Variants in SDHC observed in about 807,000 individuals in gnomAD.
The protein encoded by SDHC is succinate dehydrogenase cytochrome b560 subunit, mitochondrial.
In SDHC, 11 loss-of-function variants were observed where a neutral mutation model predicts 22.6. The observed-to-expected ratio is 0.49, with a 90% confidence interval of 0.31 to 0.81. The LOEUF (loss-of-function observed/expected upper bound fraction) is 0.81, where lower values mean the gene tolerates loss of function less well. Among genes scored for constraint, SDHC ranks in the 30% least tolerant of loss-of-function variants. The pLI is 0.05. For synonymous variants in SDHC, 80 were observed against 77.8 expected, an observed-to-expected ratio of 1.03 and a Z score of -0.15; for missense variants, 160 against 212.0, an observed-to-expected ratio of 0.75 and a Z score of 1.52.
At chr1:161,338,207 TTC>T (rs927104888) in intron 3 of SDHC, among the ~76,000 whole-genome samples, 117 of 152,224 alleles carry the variant, frequency 7.7e-4, no homozygotes, top group African/African-American at 2.8e-3. Context: ...TATGTGGCTC[TTC>T]TTCCACCTTT....
intron 4 of SDHC, among the ~76,000 whole-genome samples, chr1:161,351,453 A>G (rs1222942274): frequency 1.3e-5 from 2 of 152,344 alleles, no homozygotes; most frequent in South Asian, 2.1e-4. Context: ...ATTAAATACT[A>G]TATTTGAAAT....
chr1:161,339,973 C>T (rs939148383), intron 3 of SDHC, among the ~76,000 whole-genome samples: 1 of 152,086 alleles, frequency 6.6e-6, no homozygotes, highest in African/African-American at 2.4e-5. Context: ...AGGCACCGCG[C>T]CTGGCCCAGG....
chr1:161,339,393 C>T (rs1231833596), intron 3 of SDHC, among the ~76,000 whole-genome samples: 1 of 150,824 alleles, frequency 6.6e-6, no homozygotes, highest in East Asian at 2.0e-4. Context: ...ATTACGTTGC[C>T]TAGGTTGACC....
At chr1:161,344,536 TGTCC>T (rs1270526257) in intron 4 of SDHC, among the ~76,000 whole-genome samples, 1 of 152,194 alleles carries the variant, frequency 6.6e-6, no homozygotes, top group East Asian at 1.9e-4. Context: ...CATCAGCATA[TGTCC>T]TGTTTTTCCT....
At chr1:161,318,696 AT>A (rs982935450) in intron 1 of SDHC, among the ~76,000 whole-genome samples, 2 of 151,914 alleles carry the variant, frequency 1.3e-5, no homozygotes, top group Admixed American at 6.6e-5. Context: ...TGTTATTTTT[AT>A]TTTTTTTAAC....
chr1:161,339,077 TG>T (rs1334600268), intron 3 of SDHC, among the ~76,000 whole-genome samples: 1 of 152,186 alleles, frequency 6.6e-6, no homozygotes, highest in Admixed American at 6.5e-5. Context: ...CTCGAACACC[TG>T]ACCTCATGAT....
chr1:161,350,608 G>A (rs1459608009), intron 4 of SDHC, among the ~76,000 whole-genome samples: 1 of 152,046 alleles, frequency 6.6e-6, no homozygotes, highest in African/African-American at 2.4e-5. Context: ...ATCAAAGATA[G>A]CCCAAATGTG....
chr1:161,357,219 G>A (rs550191714), intron 5 of SDHC, among the ~76,000 whole-genome samples: 6 of 151,926 alleles, frequency 3.9e-5, no homozygotes, highest in South Asian at 2.1e-4. Flanking sequence ...GAGCCACCGC[G>A]CCCAGCTAGT....
intron 1 of SDHC, among the ~76,000 whole-genome samples, chr1:161,316,108 A>G (rs1053886696): frequency 6.6e-6 from 1 of 152,146 alleles, no homozygotes; most frequent in African/African-American, 2.4e-5. Flanking sequence ...GGAATATACA[A>G]TCGGGTTTTA....
intron 3 of SDHC, 107 bp downstream of exon 3, chr1:161,328,604 AC>A: frequency 1.3e-6 from 1 of 776,786 alleles, no homozygotes; most frequent in Non-Finnish European, 2.3e-6. Context: ...CAACCAAAAT[AC>A]TGCTATGTAG....
chr1:161,339,881 T>C (rs981450923), intron 3 of SDHC, among the ~76,000 whole-genome samples: 11 of 151,834 alleles, frequency 7.2e-5, no homozygotes, highest in African/African-American at 2.4e-4. Context: ...GGTTTCTCCA[T>C]GTTGGTCAGG....
intron 1 of SDHC, chr1:161,314,755 G>T (rs750857492): frequency 2.8e-5 from 11 of 393,854 alleles, no homozygotes; most frequent in African/African-American, 8.1e-5. Flanking sequence ...TAACTTCAAG[G>T]TCAGCCACCC....
chr1:161,321,299 TACAG>T (rs1423651343), intron 1 of SDHC, among the ~76,000 whole-genome samples: 1 of 152,242 alleles, frequency 6.6e-6, no homozygotes, highest in African/African-American at 2.4e-5. Flanking sequence ...CAATTAAAAA[TACAG>T]AGTTCCTGTT....
chr1:161,352,027 A>G (rs16832849), intron 4 of SDHC, among the ~76,000 whole-genome samples: 19,239 of 152,166 alleles, frequency 0.13, 1,495 homozygotes, highest in African/African-American at 0.21. Flanking sequence ...TTGGCAGTCA[A>G]GAAAAAGCAC....
chr1:161,328,322 TTAA>T (rs1558167214), intron 2 of SDHC, 71 bp from the exon 3 acceptor site: 17 of 1,241,552 alleles, frequency 1.4e-5, no homozygotes, highest in Non-Finnish European at 2.0e-5. Context: ...AAATATTGAC[TTAA>T]TAAAACGTTA....
intron 4 of SDHC, among the ~76,000 whole-genome samples, chr1:161,346,696 C>G (rs1671911602): frequency 6.6e-6 from 1 of 152,064 alleles, no homozygotes. Context: ...CCATGCCCGG[C>G]CATGATAGCT....
At chr1:161,358,926 G>A (rs1197011330) in intron 5 of SDHC, among the ~76,000 whole-genome samples, 3 of 106,198 alleles carry the variant, frequency 2.8e-5, no homozygotes, top group Non-Finnish European at 4.1e-5. Context: ...GCGAAATTCC[G>A]TCTCAAAAAA....
chr1:161,347,606 A>G (rs1332098566), intron 4 of SDHC, among the ~76,000 whole-genome samples: 3 of 149,846 alleles, frequency 2.0e-5, no homozygotes, highest in Non-Finnish European at 3.0e-5. Flanking sequence ...GGTGGCTCAC[A>G]CCTGTAATCC....
intron 3 of SDHC, among the ~76,000 whole-genome samples, chr1:161,338,835 C>G (rs1571865801): frequency 1.3e-5 from 2 of 152,178 alleles, no homozygotes; most frequent in South Asian, 4.1e-4. Flanking sequence ...GGTTGTATTA[C>G]AGTGATTGCT....
Sources: gnomAD v4.1 joint callset for allele counts (sites outside exome capture counted in the v4.1 genomes callset) on GRCh38, gnomAD v4.1.1 for gene constraint, MANE v1.5 for transcripts, NCBI Gene and HGNC (gene_info 2026-07-23, HGNC 2026-07-21) for gene names.